HTR6: variants seen among roughly 807,000 people sequenced by gnomAD.
The protein encoded by HTR6 is 5-hydroxytryptamine receptor 6.
In HTR6, 15 loss-of-function variants were observed where a neutral mutation model predicts 17.4. The observed-to-expected ratio is 0.86, with a 90% CI of 0.58 to 1.33. The LOEUF (loss-of-function observed/expected upper bound fraction) is 1.33. Among genes scored for constraint, HTR6 ranks in the 40% most tolerant of loss-of-function variants. HTR6 has a pLI of 0.00. For synonymous variants in HTR6, 326 were observed against 295.5 expected, an observed-to-expected ratio of 1.10 and a Z score of -1.06; for missense variants, 578 against 616.0, an observed-to-expected ratio of 0.94 and a Z score of 0.65.
chr1:19,668,472 TG>T (rs1266089906), intron 1 of HTR6, among the ~76,000 whole-genome samples: 9 of 152,314 alleles, frequency 5.9e-5, no homozygotes, highest in Non-Finnish European at 1.0e-4. Context: ...CAGGCTTCCC[TG>T]GGTTCTTGAA....
In HTR6 at chr1:19,666,155, C is replaced by G. The variant is rs1408345855; in HGVS notation, c.402C>G (p.Tyr134Ter). The change falls in exon 1 of 3, where the codon TAC becomes TAG. Residue 134 changes from tyrosine to a stop codon, truncating the protein, a stop_gained. Coordinates refer to ENST00000289753, the MANE Select transcript of HTR6 (RefSeq NM_000871.3). LOFTEE classifies it high-confidence loss of function. The surrounding 1 kb of genome is among the most constrained non-coding windows in gnomAD (Gnocchi z 4.5). ...RYLLILSPLRYKLRMTPLRAL... is the reference protein window; with the variant it reads ...RYLLILSPLR ...TGCTCATCCTCTCGCCGCTGCGCTA[C>G]AAGCTGCGCATGACGCCCCTGCGTG... The G allele has an allele frequency of 6.2e-7, 1 of 1,611,702 alleles. No homozygotes were observed.
At chr1:19,672,969 C>A (rs1179475657) in intron 1 of HTR6, among the ~76,000 whole-genome samples, 1 of 152,174 alleles carries the variant, frequency 6.6e-6, no homozygotes, top group East Asian at 1.9e-4. Flanking sequence ...GGCAACAGAG[C>A]AAGACCCCAT....
intron 1 of HTR6, among the ~76,000 whole-genome samples, chr1:19,669,628 T>A (rs867772506): frequency 6.6e-6 from 1 of 152,184 alleles, no homozygotes; most frequent in Non-Finnish European, 1.5e-5. Flanking sequence ...TGTTGGGTCC[T>A]CCTGATCCGC....
chr1:19,671,160 C>A (rs1014223761), intron 1 of HTR6, among the ~76,000 whole-genome samples: 24 of 152,212 alleles, frequency 1.6e-4, no homozygotes, highest in African/African-American at 5.3e-4. Context: ...CTTCACCCAG[C>A]AAACATTCAA....
rs2095082327 is a variant in HTR6, at chr1:19,666,902, T to C, written c.714+435T>C. Among the ~76,000 whole-genome samples the C allele has an allele frequency of 6.6e-6, 1 of 151,828 alleles. No homozygotes were observed. The highest frequency in any genetic ancestry group is 1.5e-5 in the Non-Finnish European group (1 of 67,942). ...TTCCTACCGGGGAGGCTGTGTAGAC[T>C]TCTCCTGGCTCCCCTGCTTCTGCCG... On this transcript the variant is annotated intron_variant, in intron 1 of 2. Transcript: ENST00000289753. This position sits in a 1 kb window ranked among gnomAD's most constrained non-coding sequence, Gnocchi z 4.5.
In HTR6 at chr1:19,678,996, C is replaced by T; in HGVS notation, c.951C>T (p.Pro317=). The T allele has an allele frequency of 6.2e-7, 1 of 1,614,188 alleles. No individual in the cohort carries two copies. The highest frequency in any genetic ancestry group is 8.5e-7 in the Non-Finnish European group (1 of 1,180,016). ...GTTACTGTAACAGCACCATGAACCC[C>T]ATCATCTACCCACTCTTCATGCGGG... is the stretch of plus-strand genomic sequence containing the variant. ...WLGYCNSTMN[P]IIYPLFMRDF... Residue 317 remains proline (P), a synonymous_variant, in exon 3 of 3, where the codon CCC becomes CCT. Coordinates refer to ENST00000289753, the MANE Select transcript of HTR6 (RefSeq NM_000871.3).
At chr1:19,669,855 C>T (rs1273333263) in intron 1 of HTR6, among the ~76,000 whole-genome samples, 2 of 152,094 alleles carry the variant, frequency 1.3e-5, no homozygotes, top group African/African-American at 4.8e-5. Context: ...AGGCTGGTCT[C>T]GAACTCCTGA....
At chr1:19,678,817 C>T in intron 2 of HTR6, 92 bp downstream of exon 2, 2 of 1,558,136 alleles carry the variant, frequency 1.3e-6, no homozygotes, top group Non-Finnish European at 1.7e-6. Context: ...GGGTAGGCTG[C>T]CTCTCGTGGT....
chr1:19,667,820 T>G (rs536411652), intron 1 of HTR6, among the ~76,000 whole-genome samples: 1 of 152,200 alleles, frequency 6.6e-6, no homozygotes, highest in Non-Finnish European at 1.5e-5. Context: ...GGGGTGGGTG[T>G]GTAGACCGAC....
intron 1 of HTR6, among the ~76,000 whole-genome samples, chr1:19,668,785 C>T (rs986085850): frequency 6.6e-6 from 1 of 152,112 alleles, no homozygotes; most frequent in Non-Finnish European, 1.5e-5. Flanking sequence ...AAGAAAACTT[C>T]GTATCTCCTC....
intron 1 of HTR6, among the ~76,000 whole-genome samples, chr1:19,678,366 G>A (rs1166114514): frequency 6.6e-6 from 1 of 151,772 alleles, no homozygotes; most frequent in Non-Finnish European, 1.5e-5. Context: ...TTGGTTTATT[G>A]CTGATGTCAG....
At position 19,680,261 on chromosome 1, in the gene HTR6, G is replaced by A. The variant is rs542692550; in HGVS notation, c.*893G>A. Among the ~76,000 whole-genome samples, 2 of 152,266 alleles carry A rather than the reference G, an allele frequency of 1.3e-5. No individual in the cohort carries two copies. The highest frequency in any genetic ancestry group is 2.1e-4 in the South Asian group (1 of 4,828). On this transcript the variant is annotated 3_prime_UTR_variant, in exon 3 of 3. Transcript: ENST00000289753. ...GGCTATCCAGCCCCCTGGCCTCTCC[G>A]GCTGTGTGTCAGGAAGGGCTCTTTG...
At position 19,680,923 on chromosome 1, in the gene HTR6, C is replaced by T. The variant is rs925551847; in HGVS notation, c.*1555C>T. 6.6e-6 allele frequency among the ~76,000 whole-genome samples: 1 copy of T among 152,182 alleles called. No homozygotes were observed. Among genetic ancestry groups the T allele is most frequent in the Non-Finnish European group, 1.5e-5 (1 of 68,036 alleles). On this transcript the variant is annotated 3_prime_UTR_variant, in exon 3 of 3. Transcript: ENST00000289753. ...TGCTTGCGGGGCTTCCCCTATCCCC[C>T]AGGTCTGCCCAAGGGGACTCTCAAT...
rs1176424355 is a variant in HTR6 at position 19,679,009 on chromosome 1, C to G, written c.964C>G (p.Leu322Val). 1 of 1,614,088 alleles carries G rather than the reference C, an allele frequency of 6.2e-7. No homozygotes were observed. Among genetic ancestry groups the G allele is most frequent in the East Asian group, 2.2e-5 (1 of 44,882 alleles). ...CACCATGAACCCCATCATCTACCCA[C>G]TCTTCATGCGGGACTTCAAGCGGGC... ...NSTMNPIIYPLFMRDFKRALG... is the reference protein window; with the variant it reads ...NSTMNPIIYPVFMRDFKRALG... Residue 322 changes from leucine (L) to valine (V), a missense_variant, in exon 3 of 3, where the codon CTC (leucine) becomes GTC (valine). Coordinates refer to ENST00000289753, the MANE Select transcript of HTR6 (RefSeq NM_000871.3). The surrounding 1 kb of genome is among the most constrained non-coding windows in gnomAD (Gnocchi z 4.9).
rs2095081857 is a variant in HTR6, at chr1:19,666,440, G to A, written c.687G>A (p.Met229Ile). The part of the protein sequence containing the change: ...AVQVASLTTG[M>I]ASQASETLQV... ...AGGTGGCCTCCCTCACCACCGGCATGGCCAGTCAGGCCTCGGAGACGCTGC... is the reference window on the plus strand; with the variant it reads ...AGGTGGCCTCCCTCACCACCGGCATAGCCAGTCAGGCCTCGGAGACGCTGC... The change falls in exon 1 of 3, where the codon ATG becomes ATA. Residue 229 changes from methionine to isoleucine, a missense_variant. Physicochemically the swap from Met to Ile is conservative, Grantham distance 10 (BLOSUM62 1). Coordinates refer to ENST00000289753, the MANE Select transcript of HTR6 (RefSeq NM_000871.3). This position sits in a 1 kb window ranked among gnomAD's most constrained non-coding sequence, Gnocchi z 4.5. The A allele has an allele frequency of 2.5e-6, 4 of 1,611,256 alleles. No homozygotes were observed. Among genetic ancestry groups the A allele is most frequent in the Non-Finnish European group, 3.4e-6 (4 of 1,179,180 alleles).
chr1:19,679,821 T>C lies in HTR6; in HGVS notation c.*453T>C, dbSNP rs2095099582. On this transcript the variant is annotated 3_prime_UTR_variant, in exon 3 of 3. Transcript: ENST00000289753. The surrounding 1 kb of genome is among the most constrained non-coding windows in gnomAD (Gnocchi z 4.9). ...CATTGCCGTCACCTTTGGGAGTTTGTGAAAAATGCACATCTCTGCCCCTGC... is the reference window on the plus strand; with the variant it reads ...CATTGCCGTCACCTTTGGGAGTTTGCGAAAAATGCACATCTCTGCCCCTGC... 6.6e-6 allele frequency among the ~76,000 whole-genome samples: 1 copy of C among 152,172 alleles called. No individual in the cohort carries two copies. Among genetic ancestry groups the C allele is most frequent in the Non-Finnish European group, 1.5e-5 (1 of 68,026 alleles).
intron 1 of HTR6, among the ~76,000 whole-genome samples, chr1:19,677,994 C>T (rs2095096401): frequency 2.0e-5 from 3 of 152,250 alleles, no homozygotes; most frequent in African/African-American, 4.8e-5. Context: ...CCTGCCTCGG[C>T]CTCCCAAAGT....
At chr1:19,667,270 G>T (rs965898393) in intron 1 of HTR6, among the ~76,000 whole-genome samples, 1 of 152,024 alleles carries the variant, frequency 6.6e-6, no homozygotes, top group African/African-American at 2.4e-5. Context: ...CACCCTATCT[G>T]CAGGCCCATC....
chr1:19,666,045 C>T lies in HTR6; in HGVS notation c.292C>T (p.Leu98Phe). ...CGGGCGCTGGGTGCTGGCGCGCGGC[C>T]TCTGCCTGCTCTGGACCGCCTTCGA... is the stretch of plus-strand genomic sequence containing the variant. Reference protein sequence around the residue: ...LYGRWVLARGLCLLWTAFDVM... With the variant: ...LYGRWVLARGFCLLWTAFDVM... The change falls in exon 1 of 3, where the codon CTC (leucine) becomes TTC (phenylalanine). Residue 98 changes from leucine (L) to phenylalanine (F), a missense_variant. Transcript: ENST00000289753. The surrounding 1 kb of genome is among the most constrained non-coding windows in gnomAD (Gnocchi z 4.5). The T allele has an allele frequency of 6.2e-7, 1 of 1,613,424 alleles. No individual in the cohort carries two copies. The highest frequency in any genetic ancestry group is 1.1e-5 in the South Asian group (1 of 91,048).
Sources: gnomAD v4.1 joint callset for allele counts (sites outside exome capture counted in the v4.1 genomes callset) on GRCh38, gnomAD v4.1.1 for gene constraint, Gnocchi (gnomAD v3.1) non-coding constraint, MANE v1.5 for transcripts, NCBI Gene and HGNC (gene_info 2026-07-23, HGNC 2026-07-21) for gene names.